Variants in GON4L observed in about 807,000 individuals in gnomAD.
GON4L encodes the protein GON-4-like protein.
A neutral mutation model predicts 211.8 loss-of-function variants in GON4L; 87 were observed. The ratio of observed to expected loss-of-function variants is 0.41; its 90% CI spans 0.35 to 0.49. The LOEUF is 0.49. Ranked by LOEUF, GON4L falls within the 20% of genes least tolerant of loss-of-function variation. GON4L has a pLI of 0.15. For synonymous variants in GON4L, 875 were observed against 962.6 expected, an observed-to-expected ratio of 0.91 and a Z score of 1.68; for missense variants, 2,155 against 2,659.5, an observed-to-expected ratio of 0.81 and a Z score of 4.17.
chr1:155,797,806 T>C (rs1180766663), intron 11 of GON4L, among the ~76,000 whole-genome samples: 2 of 149,746 alleles, frequency 1.3e-5, no homozygotes, highest in African/African-American at 4.9e-5. Flanking sequence ...TGAGCTGGGA[T>C]CATGCCACTG....
intron 2 of GON4L, among the ~76,000 whole-genome samples, chr1:155,842,242 G>A (rs1182589317): frequency 2.0e-5 from 3 of 151,666 alleles, no homozygotes; most frequent in Non-Finnish European, 4.4e-5. Flanking sequence ...TTAAAAACTT[G>A]GGGCAGGGGT....
At chr1:155,820,542 G>C (rs1668636506) in intron 6 of GON4L, 64 bp downstream of exon 6, 1 of 1,048,592 alleles carries the variant, frequency 9.5e-7, no homozygotes, top group African/African-American at 1.6e-5. Context: ...TTTTCCCTAT[G>C]GGTGAATTAG....
chr1:155,843,338 C>T (rs536221211), intron 2 of GON4L, among the ~76,000 whole-genome samples: 1 of 152,246 alleles, frequency 6.6e-6, no homozygotes, highest in East Asian at 1.9e-4. Flanking sequence ...AGAGCATCAC[C>T]TTCTGGTGCA....
intron 11 of GON4L, among the ~76,000 whole-genome samples, chr1:155,803,297 C>T (rs867002548): frequency 1.4e-4 from 21 of 149,204 alleles, no homozygotes; most frequent in South Asian, 4.2e-4. Flanking sequence ...CAGGCTGGAG[C>T]GCAGTGGCGC....
chr1:155,816,793 A>AAT (rs1410922474), intron 6 of GON4L, among the ~76,000 whole-genome samples: 13 of 150,704 alleles, frequency 8.6e-5, no homozygotes, highest in African/African-American at 2.7e-4. Flanking sequence ...AAAAAAAAAA[A>AAT]AAGCTTTTAC....
rs567734506 is a variant in GON4L, at chr1:155,800,412, C to G, written c.1645+4537G>C. 4.0e-5 allele frequency among the ~76,000 whole-genome samples: 6 copies of G among 150,932 alleles called. No individual in the cohort carries two copies. The South Asian group carries it at 1.0e-3, about 26-fold the overall frequency. The stretch of plus-strand genomic sequence containing the variant: ...GACTCTACTAAAAATACAAAATTAG[C>G]CAGGCATGGTGGCACATGCCTGTAA... On this transcript the variant is annotated intron_variant, in intron 11 of 31. Transcript: ENST00000368331.
chr1:155,842,586 CCAG>C (rs1327566504), intron 2 of GON4L, among the ~76,000 whole-genome samples: 2 of 150,098 alleles, frequency 1.3e-5, no homozygotes, highest in African/African-American at 4.9e-5. Flanking sequence ...ACCCATAATC[CCAG>C]CACTTTGGGA....
At chr1:155,854,537 C>T (rs1672102196) in intron 1 of GON4L, among the ~76,000 whole-genome samples, 1 of 152,148 alleles carries the variant, frequency 6.6e-6, no homozygotes. Flanking sequence ...TGGATGTTTC[C>T]CAAGTCACCT....
At chr1:155,821,394 C>T in intron 5 of GON4L, 80 bp downstream of exon 5, 1 of 849,848 alleles carries the variant, frequency 1.2e-6, no homozygotes, top group Non-Finnish European at 2.1e-6. Flanking sequence ...TTTACAAACT[C>T]CTAAGTGACC....
intron 14 of GON4L, among the ~76,000 whole-genome samples, chr1:155,782,285 G>C: frequency 6.6e-6 from 1 of 152,202 alleles, no homozygotes; most frequent in Non-Finnish European, 1.5e-5. Context: ...CCCAAGTACA[G>C]TCATGTGCCA....
At chr1:155,750,786 C>G in intron 31 of GON4L, 53 bp from the exon 32 acceptor site, 1 of 1,521,602 alleles carries the variant, frequency 6.6e-7, no homozygotes, top group Non-Finnish European at 8.9e-7. Flanking sequence ...GTTTTTGAGA[C>G]GGAGTCTCTC....
intron 2 of GON4L, among the ~76,000 whole-genome samples, chr1:155,829,654 G>C (rs1249193352): frequency 1.3e-5 from 2 of 152,214 alleles, no homozygotes; most frequent in East Asian, 3.9e-4. Context: ...TAATAATTTT[G>C]ATGTTATCAA....
chr1:155,781,495 TTCTC>T (rs751172808), intron 14 of GON4L, among the ~76,000 whole-genome samples: 7 of 151,648 alleles, frequency 4.6e-5, no homozygotes, highest in African/African-American at 7.3e-5. Context: ...TGGAGTCTTT[TTCTC>T]TCTCTCAGGA....
At chr1:155,771,850 G>C (rs905743936) in intron 18 of GON4L, among the ~76,000 whole-genome samples, 6 of 152,128 alleles carry the variant, frequency 3.9e-5, no homozygotes, top group African/African-American at 1.4e-4. Context: ...GATACTTAGT[G>C]AGTACTGATT....
Position 155,766,133 on chromosome 1 carries a change from A to G in GON4L, c.3340T>C (p.Tyr1114His). The G allele has an allele frequency of 6.2e-7, 1 of 1,614,096 alleles. No homozygotes were observed. Residue 1114 changes from tyrosine to histidine, a missense_variant, in exon 21 of 32, where the codon TAT becomes CAT. This residue lies in a region of GON4L where 615 missense variants were observed against 625.7 expected (regional missense o/e 0.98). Transcript: ENST00000368331. ...CTCTTTGAGGGTCTCCGTCTCACAT[A>G]TGGCTTTCGAAACTTAGAAGGGGCA... The part of the protein sequence containing the change: ...SLAPSKFRKP[Y>H]VRRRPSKRRG...
intron 2 of GON4L, chr1:155,845,928 C>A: frequency 4.6e-6 from 1 of 217,066 alleles, no homozygotes; most frequent in South Asian, 8.0e-5. Context: ...GGCACTCTTT[C>A]CCAGTGTATC....
intron 11 of GON4L, among the ~76,000 whole-genome samples, chr1:155,796,271 ATT>A (rs1002237039): frequency 6.6e-6 from 1 of 150,504 alleles, no homozygotes; most frequent in African/African-American, 2.4e-5. Context: ...CTCCCTTTTA[ATT>A]TTCTTTTTTC....
chr1:155,855,157 A>G (rs1054984654), intron 1 of GON4L, among the ~76,000 whole-genome samples: 1 of 152,100 alleles, frequency 6.6e-6, no homozygotes, highest in Non-Finnish European at 1.5e-5. Flanking sequence ...AATTCTAGTT[A>G]TCACATTTTA....
chr1:155,783,404 T>C (rs372594957), intron 14 of GON4L, among the ~76,000 whole-genome samples: 5 of 152,210 alleles, frequency 3.3e-5, no homozygotes, highest in African/African-American at 7.2e-5. Flanking sequence ...AATGACTACA[T>C]GCTGCTACTC....
Sources: gnomAD v4.1 joint callset for allele counts (sites outside exome capture counted in the v4.1 genomes callset) on GRCh38, gnomAD v4.1.1 for gene constraint, gnomAD v4.1.1 regional missense constraint, MANE v1.5 for transcripts, NCBI Gene and HGNC (gene_info 2026-07-23, HGNC 2026-07-21) for gene names.